The following ACOX3 variants were observed in gnomAD, a reference collection of about 807,000 sequenced individuals.
The protein encoded by ACOX3 is acyl-CoA oxidase 3, pristanoyl, also known as peroxisomal acyl-coenzyme A oxidase 3.
ACOX3 carries 73 observed loss-of-function variants against 81.5 expected under a neutral mutation model. That is an observed-to-expected ratio of 0.90 (90% CI 0.74 to 1.09). The LOEUF is 1.09. ACOX3 is among the 50% of genes least tolerant of loss of function. ACOX3 has a pLI of 0.00. For synonymous variants in ACOX3, 387 were observed against 375.1 expected, an observed-to-expected ratio of 1.03 and a Z score of -0.37; for missense variants, 947 against 928.0, an observed-to-expected ratio of 1.02 and a Z score of -0.27.
intron 1 of ACOX3, among the ~76,000 whole-genome samples, chr4:8,426,543 C>G (rs1192799298): frequency 2.9e-5 from 4 of 137,242 alleles, no homozygotes; most frequent in Non-Finnish European, 4.7e-5. Context: ...GTCTTACCCC[C>G]CTTTCACTAT....
intron 9 of ACOX3, 58 bp downstream of exon 9, chr4:8,396,879 G>T (rs1719754603): frequency 1.3e-6 from 2 of 1,563,342 alleles, no homozygotes; most frequent in Non-Finnish European, 1.7e-6. Context: ...CTATGTAAAA[G>T]AAGTGAATTT....
In ACOX3 at chr4:8,381,238, G is replaced by T. The variant is rs1277460495; in HGVS notation, c.1653+254C>A. Among the ~76,000 whole-genome samples, 1 of 152,152 alleles carries T rather than the reference G, an allele frequency of 6.6e-6. No individual in the cohort carries two copies. Among genetic ancestry groups the T allele is most frequent in the Non-Finnish European group, 1.5e-5 (1 of 68,032 alleles). ...CACAACCCAGAGCTTCACCGCTCTGGTTTACGGGCTGGGAACCGTCAGGCA... is the reference window on the plus strand; with the variant it reads ...CACAACCCAGAGCTTCACCGCTCTGTTTTACGGGCTGGGAACCGTCAGGCA... On this transcript the variant is annotated intron_variant, in intron 14 of 17. Coordinates refer to ENST00000356406, the MANE Select transcript of ACOX3 (RefSeq NM_003501.3). The surrounding 1 kb of genome is among the most constrained non-coding windows in gnomAD (Gnocchi z 4.3).
At chr4:8,374,866 T>C (rs1188973171) in intron 15 of ACOX3, 112 bp downstream of exon 15, 2 of 1,209,322 alleles carry the variant, frequency 1.7e-6, no homozygotes, top group Non-Finnish European at 2.2e-6. Flanking sequence ...CCATCCGCCG[T>C]GCTCAGTGAG....
intron 9 of ACOX3, among the ~76,000 whole-genome samples, chr4:8,396,679 GAAAAAAAA>G (rs531424752): frequency 3.0e-5 from 3 of 100,686 alleles, no homozygotes; most frequent in Non-Finnish European, 6.0e-5. Flanking sequence ...CTCCGTCTGG[GAAAAAAAA>G]AAAAAAAAAA....
chr4:8,357,255 C>T, the ACOX3 span: 4 of 456,610 alleles, frequency 8.8e-6, no homozygotes, highest in Non-Finnish European at 1.8e-5. Context: ...AAGTGGACAC[C>T]AGGGCCAGGA....
At chr4:8,402,393 C>T (rs991869758) in intron 7 of ACOX3, among the ~76,000 whole-genome samples, 1 of 152,224 alleles carries the variant, frequency 6.6e-6, no homozygotes, top group South Asian at 2.1e-4. Flanking sequence ...ACACTCAGAA[C>T]ACCCCACCTC....
At chr4:8,367,492 C>T (rs1715603183) in intron 17 of ACOX3, among the ~76,000 whole-genome samples, 1 of 151,622 alleles carries the variant, frequency 6.6e-6, no homozygotes, top group Admixed American at 6.6e-5. Context: ...TCAAAACAAA[C>T]AAACAACAAC....
Position 8,375,634 on chromosome 4 carries a change from T to C in ACOX3, c.1654-482A>G, listed in dbSNP as rs1716871640. ...ACTTCTCCAAAGATCTGCCACCCCG[T>C]CCTCCAAAGCCTCCAAAGCAGGCTT... On this transcript the variant is annotated intron_variant, in intron 14 of 17. Coordinates refer to ENST00000356406, the MANE Select transcript of ACOX3 (RefSeq NM_003501.3). Among the ~76,000 whole-genome samples, 3 of 152,102 alleles carry C rather than the reference T, an allele frequency of 2.0e-5. No individual in the cohort carries two copies. The South Asian group carries it at 6.2e-4, about 32-fold the overall frequency.
In ACOX3 at chr4:8,385,262, C is replaced by A. The variant is rs2108838675; in HGVS notation, c.1538-3655G>T. 6.6e-6 allele frequency among the ~76,000 whole-genome samples: 1 copy of A among 152,148 alleles called. No individual in the cohort carries two copies. Among genetic ancestry groups the A allele is most frequent in the South Asian group, 2.1e-4 (1 of 4,816 alleles). On this transcript the variant is annotated intron_variant, in intron 13 of 17. Transcript: ENST00000356406. This position sits in a 1 kb window ranked among gnomAD's most constrained non-coding sequence, Gnocchi z 5.5. ...TGACCCCACTGCCCACCTCACATGA[C>A]CTCACCATGCACTCCACGTGACCTC...
At chr4:8,373,003 C>A (rs1437317184) in intron 16 of ACOX3, among the ~76,000 whole-genome samples, 1 of 152,130 alleles carries the variant, frequency 6.6e-6, no homozygotes, top group Non-Finnish European at 1.5e-5. Context: ...AGCTTCTGTC[C>A]CCGGATGGAA....
In ACOX3 at chr4:8,366,420, TCAAA is replaced by T. The variant is rs1715454312; in HGVS notation, c.*537_*540del. ...TTTCCAGTTCCACAAAAGAAAGTAA[TCAAA>T]CAGATGTTCCTCCTTAAGTCTTAAA... On this transcript the variant is annotated 3_prime_UTR_variant, in exon 18 of 18. Coordinates refer to ENST00000356406, the MANE Select transcript of ACOX3 (RefSeq NM_003501.3). The T allele has an allele frequency of 6.6e-6, 1 of 152,208 alleles. No homozygotes were observed. The highest frequency in any genetic ancestry group is 1.5e-5 in the Non-Finnish European group (1 of 68,056). The allele number at this position is 152,208 out of a possible 1,614,324, so 9.4% of individuals were successfully genotyped here. A position where few individuals can be genotyped will look rare whatever the true frequency, so the allele number is the denominator to read the frequency against.
Position 8,392,471 on chromosome 4 carries a change from CA to C in ACOX3, c.1180-19del. On this transcript the variant is annotated intron_variant, in intron 10 of 17. Coordinates refer to ENST00000356406, the MANE Select transcript of ACOX3 (RefSeq NM_003501.3). ...AGCTCTGCCTTTGGGTGAGGGAATC[CA>C]ACAAGAACAGGTGAAAAGAGACTTT... The C allele has an allele frequency of 6.5e-7, 1 of 1,537,848 alleles. No individual in the cohort carries two copies. The highest frequency in any genetic ancestry group is 8.7e-7 in the Non-Finnish European group (1 of 1,145,480).
intron 17 of ACOX3, among the ~76,000 whole-genome samples, chr4:8,367,330 A>G (rs1715584929): frequency 6.6e-6 from 1 of 152,052 alleles, no homozygotes; most frequent in Non-Finnish European, 1.5e-5. Flanking sequence ...AAAAAAATTC[A>G]AAATTAGCCA....
At chr4:8,375,674 C>A (rs1293709605) in intron 14 of ACOX3, among the ~76,000 whole-genome samples, 1 of 152,282 alleles carries the variant, frequency 6.6e-6, no homozygotes, top group Non-Finnish European at 1.5e-5. Flanking sequence ...CCCTCTCCCC[C>A]TGCCGTAAGG....
At chr4:8,366,074 A>T (rs1009475423), downstream of ACOX3, among the ~76,000 whole-genome samples, 1 of 152,184 alleles carries the variant, frequency 6.6e-6, no homozygotes, top group African/African-American at 2.4e-5. Context: ...AGCAGGACCC[A>T]GATGCAAAGA....
At chr4:8,426,080 C>T (rs1723451586) in intron 1 of ACOX3, among the ~76,000 whole-genome samples, 1 of 152,156 alleles carries the variant, frequency 6.6e-6, no homozygotes, top group Admixed American at 6.5e-5. Flanking sequence ...ATACGAAATG[C>T]TGTATGGACA....
chr4:8,375,143 C>T lies in ACOX3; in HGVS notation c.1663G>A (p.Gly555Ser), dbSNP rs201253671. 1.3e-4 allele frequency: 200 copies of T among 1,544,564 alleles called. No individual in the cohort carries two copies. The highest frequency in any genetic ancestry group is 1.7e-4 in the Non-Finnish European group (192 of 1,142,230). Residue 555 changes from glycine to serine, a missense_variant, in exon 15 of 18, where the codon GGC becomes AGC. Transcript: ENST00000356406. The stretch of plus-strand genomic sequence containing the variant: ...ACGAAGGCCAGCGCCAACGGACGGC[C>T]GTGGGACACCTGGAACACAGGACGG... Reference protein sequence around the residue: ...EARNKCQVSHGRPLALAFVEL... With the variant: ...EARNKCQVSHSRPLALAFVEL...
intron 6 of ACOX3, among the ~76,000 whole-genome samples, chr4:8,409,428 C>G (rs548347743): frequency 1.5e-5 from 2 of 136,376 alleles, no homozygotes; most frequent in East Asian, 4.6e-4. Context: ...TGCCTATGCA[C>G]CCTGGAAGGG....
In ACOX3 at chr4:8,386,311, G is replaced by A. The variant is rs574447027; in HGVS notation, c.1537+2862C>T. ...GCCGGGCGTGGTGGCTCATGCCTGT[G>A]ATCCCAGCACTTCGGGAGGCCAAGG... On this transcript the variant is annotated intron_variant, in intron 13 of 17. Transcript: ENST00000356406. This position sits in a 1 kb window ranked among gnomAD's most constrained non-coding sequence, Gnocchi z 5.2. Among the ~76,000 whole-genome samples, 9 of 152,224 alleles carry A rather than the reference G, an allele frequency of 5.9e-5. No homozygotes were observed. The highest frequency in any genetic ancestry group is 1.3e-4 in the Admixed American group (2 of 15,290).
Sources: allele counts gnomAD v4.1 joint callset (sites outside exome capture counted in the v4.1 genomes callset), GRCh38; gene constraint gnomAD v4.1.1; non-coding constraint Gnocchi (gnomAD v3.1); transcripts MANE v1.5; gene names NCBI Gene and HGNC (gene_info 2026-07-23, HGNC 2026-07-21).